Variants in TIAM2 observed in about 807,000 individuals in gnomAD.
The protein encoded by TIAM2 is rho guanine nucleotide exchange factor TIAM2.
In TIAM2, 80 loss-of-function variants were observed where a neutral mutation model predicts 152.9. The ratio of observed to expected loss-of-function variants is 0.52; its 90% CI spans 0.44 to 0.63. The LOEUF is 0.63. Ranked by LOEUF, TIAM2 falls within the 30% of genes least tolerant of loss-of-function variation. The pLI is 0.00. For synonymous variants in TIAM2, 804 were observed against 838.0 expected (o/e 0.96, Z 0.70); for missense variants, 1,965 against 2,120.1 (o/e 0.93, Z 1.44).
At chr6:155,060,141 C>A (rs11967943) in intron 1 of TIAM2, among the ~76,000 whole-genome samples, 1 of 152,150 alleles carries the variant, frequency 6.6e-6, no homozygotes, top group Admixed American at 6.5e-5. Flanking sequence ...GCGGTGCTTA[C>A]GCCTGTAATC....
At chr6:155,193,391 G>A (rs1295143559) in intron 14 of TIAM2, among the ~76,000 whole-genome samples, 4 of 128,838 alleles carry the variant, frequency 3.1e-5, no homozygotes, top group Non-Finnish European at 5.0e-5. Flanking sequence ...GGGACAGAGC[G>A]AGACCTTGTC....
chr6:155,088,052 C>CTTTTTTTTT (rs113372173), intron 1 of TIAM2, among the ~76,000 whole-genome samples: 22 of 119,008 alleles, frequency 1.8e-4, no homozygotes, highest in South Asian at 2.7e-4. Flanking sequence ...TTCTTTCTTT[C>CTTTTTTTTT]TTTTTTTTTT....
intron 12 of TIAM2, among the ~76,000 whole-genome samples, chr6:155,181,680 C>G (rs1443544435): frequency 6.6e-6 from 1 of 152,186 alleles, no homozygotes; most frequent in Non-Finnish European, 1.5e-5. Flanking sequence ...TACTTTGTAT[C>G]TCTCGGAATT....
At chr6:155,241,366 C>G (rs541402830) in intron 16 of TIAM2, among the ~76,000 whole-genome samples, 3 of 152,182 alleles carry the variant, frequency 2.0e-5, no homozygotes, top group African/African-American at 4.8e-5. Context: ...ATTTGAAGCT[C>G]GCTTCATTTG....
chr6:155,210,556 C>T lies in TIAM2; in HGVS notation c.3065-648C>T, dbSNP rs7738209. ...CTCACTATGTTGCCCAGGGTGGTCT[C>T]GAACTCCTGGTCTTAAGTGATTCTC... On this transcript the variant is annotated intron_variant, in intron 14 of 26. Coordinates refer to ENST00000682666, the MANE Select transcript of TIAM2 (RefSeq NM_012454.4). Among the ~76,000 whole-genome samples, 957 of 152,006 alleles carry T rather than the reference C, an allele frequency of 6.3e-3. 12 individuals are homozygous for T. Among genetic ancestry groups the T allele is most frequent in the African/African-American group, 0.022 (912 of 41,442 alleles).
At chr6:155,223,864 A>G (rs192694373) in intron 15 of TIAM2, among the ~76,000 whole-genome samples, 16 of 152,298 alleles carry the variant, frequency 1.1e-4, no homozygotes, top group Admixed American at 9.1e-4. Flanking sequence ...CATGTCAGCA[A>G]ATTAGCTAAG....
Position 155,247,860 on chromosome 6 carries a change from A to G in TIAM2, c.3653-140A>G. 29 of 1,081,590 alleles carry G rather than the reference A, an allele frequency of 2.7e-5. No homozygotes were observed. The South Asian group carries it at 4.2e-4, about 16-fold the overall frequency. 67.0% of individuals were successfully genotyped at this position (1,081,590 alleles called of 1,614,324 possible). On this transcript the variant is annotated intron_variant, in intron 19 of 26. Coordinates refer to ENST00000682666, the MANE Select transcript of TIAM2 (RefSeq NM_012454.4). The stretch of plus-strand genomic sequence containing the variant: ...ACGCTGACAGCTGGGTGCCTGACCC[A>G]CTGATGTGTTGGGGTTTTCATTAAA...
At chr6:155,056,167 CTTT>C (rs763205169) in intron 1 of TIAM2, among the ~76,000 whole-genome samples, 1 of 98,608 alleles carries the variant, frequency 1.0e-5, no homozygotes, top group Non-Finnish European at 1.9e-5. Flanking sequence ...TATTGTTCTT[CTTT>C]TTTTTTTTTT....
chr6:155,125,348 A>G (rs1215785968), intron 2 of TIAM2, among the ~76,000 whole-genome samples: 2 of 152,342 alleles, frequency 1.3e-5, no homozygotes, highest in Middle Eastern at 3.4e-3. Context: ...AGATGGCTCA[A>G]TATCACTTAT....
chr6:155,130,229 G>A lies in TIAM2; in HGVS notation c.1006G>A (p.Ala336Thr), dbSNP rs1189387757. 2 of 1,614,054 alleles carry A rather than the reference G, an allele frequency of 1.2e-6. No homozygotes were observed. The highest frequency in any genetic ancestry group is 1.3e-5 in the African/African-American group (1 of 74,914). The change falls in exon 4 of 27, where the codon GCT becomes ACT. Residue 336 changes from alanine (A) to threonine (T), a missense_variant. Physicochemically the swap from Ala to Thr is moderately conservative, Grantham distance 58. Transcript: ENST00000682666. ...HASLSNRVSF[A>T]SDIDVPSRVA... The stretch of plus-strand genomic sequence containing the variant: ...CAGCCTGAGCAACCGTGTCTCTTTT[G>A]CTTCCGACATTGATGTGCCCTCCAG...
Position 155,179,095 on chromosome 6 carries a change from C to T in TIAM2, c.2580C>T (p.Asp860=). 1 of 1,614,110 alleles carries T rather than the reference C, an allele frequency of 6.2e-7. No individual in the cohort carries two copies. The highest frequency in any genetic ancestry group is 8.5e-7 in the Non-Finnish European group (1 of 1,180,012). Residue 860 remains aspartate (D), a synonymous_variant, in exon 11 of 27, where the codon GAC becomes GAT. Coordinates refer to ENST00000682666, the MANE Select transcript of TIAM2 (RefSeq NM_012454.4). ...TACAGCTTCGAAAATTAGTAGATGA[C>T]AATGTTGAGTATTGCATCCCTGCAC... ...YGLQLRKLVD[D]NVEYCIPAPY...
intron 2 of TIAM2, among the ~76,000 whole-genome samples, chr6:155,124,707 T>C (rs1233369773): frequency 6.6e-6 from 1 of 150,656 alleles, no homozygotes. Context: ...TAGTGGCAAG[T>C]CTAGCAGTTG....
chr6:155,078,467 G>A (rs1778000874), intron 1 of TIAM2, among the ~76,000 whole-genome samples: 1 of 152,132 alleles, frequency 6.6e-6, no homozygotes, highest in South Asian at 2.1e-4. Flanking sequence ...ATCAGACTTG[G>A]TGCTTCTCTG....
chr6:155,029,385 TTATA>T (rs1226675748), intron 1 of TIAM2, among the ~76,000 whole-genome samples: 2 of 93,038 alleles, frequency 2.1e-5, no homozygotes, highest in East Asian at 7.1e-4. Context: ...ATATACTATG[TTATA>T]TATATACTAT....
At chr6:155,031,511 C>G (rs1776819671) in intron 1 of TIAM2, among the ~76,000 whole-genome samples, 1 of 152,068 alleles carries the variant, frequency 6.6e-6, no homozygotes, top group African/African-American at 2.4e-5. Flanking sequence ...TTACTTGAAC[C>G]CAGGAGTTTG....
At chr6:155,111,298 TACACACACACACACACAC>T (rs57988099) in intron 2 of TIAM2, among the ~76,000 whole-genome samples, 330 of 138,450 alleles carry the variant, frequency 2.4e-3, no homozygotes, top group African/African-American at 8.2e-3. Flanking sequence ...ATTCTTGGAA[TACACACACACACACACAC>T]ACACACACAC....
rs898167411 is a variant in TIAM2, at chr6:154,995,618, C to G, written c.-209+126C>G. The G allele has an allele frequency of 2.0e-5, 3 of 152,016 alleles. No individual in the cohort carries two copies. The highest frequency in any genetic ancestry group is 4.4e-5 in the Non-Finnish European group (3 of 68,010). 9.4% of individuals were successfully genotyped at this position (152,016 alleles called of 1,614,324 possible). A position where few individuals can be genotyped will look rare whatever the true frequency, so the allele number is the denominator to read the frequency against. On this transcript the variant is annotated intron_variant, in intron 1 of 26. Coordinates refer to ENST00000682666, the MANE Select transcript of TIAM2 (RefSeq NM_012454.4). This position sits in a 1 kb window ranked among gnomAD's most constrained non-coding sequence, Gnocchi z 5.2. ...CCCTCCCTTCCCCTTTGTTGGCCGC[C>G]CCTCTCTGCCCCCGCTTTCCTGGGA...
At chr6:155,003,354 C>G (rs1464271758) in intron 1 of TIAM2, among the ~76,000 whole-genome samples, 1 of 152,042 alleles carries the variant, frequency 6.6e-6, no homozygotes, top group Admixed American at 6.6e-5. Context: ...GTGGTGCACG[C>G]CTGTAATCCA....
chr6:155,189,551 T>C (rs1240281211), intron 14 of TIAM2, among the ~76,000 whole-genome samples: 1 of 152,190 alleles, frequency 6.6e-6, no homozygotes, highest in Non-Finnish European at 1.5e-5. Context: ...CTTATAAAAC[T>C]TAGTTTTGTT....
Sources: allele counts gnomAD v4.1 joint callset (sites outside exome capture counted in the v4.1 genomes callset), GRCh38; gene constraint gnomAD v4.1.1; non-coding constraint Gnocchi (gnomAD v3.1); transcripts MANE v1.5; gene names NCBI Gene and HGNC (gene_info 2026-07-23, HGNC 2026-07-21).